CPA6: variants seen among roughly 807,000 people sequenced by gnomAD.
The protein encoded by CPA6 is carboxypeptidase B.
A neutral mutation model predicts 63.3 loss-of-function variants in CPA6; 58 were observed. The observed-to-expected ratio is 0.92, with a 90% CI of 0.74 to 1.14. The LOEUF is 1.14. CPA6 is among the 50% of genes most tolerant of loss of function. The probability of loss-of-function intolerance (pLI) is 0.00; values close to 1 mark genes in which losing one functional copy is unlikely to be tolerated. For missense variants in CPA6, 565 were observed against 526.6 expected, an observed-to-expected ratio of 1.07 and a Z score of -0.71; for synonymous variants, 185 against 179.0, an observed-to-expected ratio of 1.03 and a Z score of -0.27.
At chr8:67,533,259 G>T (rs1370436937) in intron 2 of CPA6, among the ~76,000 whole-genome samples, 1 of 152,164 alleles carries the variant, frequency 6.6e-6, no homozygotes, top group Non-Finnish European at 1.5e-5. Context: ...GAATTGCTGT[G>T]GCCGTAAGAA....
intron 1 of CPA6, among the ~76,000 whole-genome samples, chr8:67,626,118 A>G (rs979052168): frequency 6.6e-6 from 1 of 152,186 alleles, no homozygotes; most frequent in African/African-American, 2.4e-5. Context: ...CCTCCCAGGC[A>G]TGCATTCTGT....
chr8:67,741,654 G>A (rs1817915346), intron 1 of CPA6, among the ~76,000 whole-genome samples: 1 of 152,132 alleles, frequency 6.6e-6, no homozygotes, highest in South Asian at 2.1e-4. Context: ...ACCCATGCGA[G>A]GGATCTAGGT....
At position 67,624,237 on chromosome 8, in the gene CPA6, CTT is replaced by C. The variant is rs1587646001; in HGVS notation, c.129_130del (p.Ile43MetfsTer21). ...TTCCTCTTCTGTTTTGGGAATAAAT[CTT>C]ATCACTTTATCACTACAAGATAAGA... On this transcript the variant is annotated frameshift_variant, in exon 2 of 11. Transcript: ENST00000297770. LOFTEE classifies it high-confidence loss of function. 3 of 1,506,812 alleles carry C rather than the reference CTT, an allele frequency of 2.0e-6. No homozygotes were observed. The highest frequency in any genetic ancestry group is 2.8e-6 in the Non-Finnish European group (3 of 1,086,910). The allele number at this position is 1,506,812 out of a possible 1,614,324, so 93.3% of individuals were successfully genotyped here. A position where few individuals can be genotyped will look rare whatever the true frequency, so the allele number is the denominator to read the frequency against.
chr8:67,621,362 T>C (rs1815077822), intron 2 of CPA6, among the ~76,000 whole-genome samples: 1 of 152,192 alleles, frequency 6.6e-6, no homozygotes. Context: ...GACCCCTGAC[T>C]CTAGAGTTAA....
intron 2 of CPA6, among the ~76,000 whole-genome samples, chr8:67,618,205 C>T (rs1564026258): frequency 1.3e-5 from 2 of 152,284 alleles, no homozygotes; most frequent in East Asian, 3.9e-4. Flanking sequence ...ATTAAGGGAT[C>T]CTACAATCAC....
At chr8:67,567,809 AG>A (rs1813377635) in intron 2 of CPA6, among the ~76,000 whole-genome samples, 1 of 152,208 alleles carries the variant, frequency 6.6e-6, no homozygotes, top group East Asian at 1.9e-4. Flanking sequence ...AAACAGAACC[AG>A]GGAAGTGGAC....
intron 8 of CPA6, among the ~76,000 whole-genome samples, chr8:67,467,885 C>T (rs1810963477): frequency 9.5e-6 from 1 of 105,644 alleles, no homozygotes; most frequent in Admixed American, 8.8e-5. Flanking sequence ...GAAACCCCGT[C>T]TAAAAAAAAA....
intron 2 of CPA6, among the ~76,000 whole-genome samples, chr8:67,600,483 T>C (rs531699821): frequency 1.4e-4 from 21 of 152,296 alleles, no homozygotes; most frequent in Admixed American, 9.2e-4. Context: ...ATTGTATTCC[T>C]GAAAATTGCT....
At chr8:67,512,713 GGTAGCTAAAAA>G (rs142156049) in intron 3 of CPA6, among the ~76,000 whole-genome samples, 4,506 of 152,258 alleles carry the variant, frequency 0.03, 218 homozygotes, top group African/African-American at 0.1. Flanking sequence ...GGGCCTGGCA[GGTAGCTAAAAA>G]GCTTTGCTTT....
At chr8:67,691,963 C>A (rs1039234814) in intron 1 of CPA6, among the ~76,000 whole-genome samples, 2 of 152,160 alleles carry the variant, frequency 1.3e-5, no homozygotes, top group Admixed American at 1.3e-4. Context: ...TCCTTATGAG[C>A]CATGCTGGAG....
intron 6 of CPA6, among the ~76,000 whole-genome samples, chr8:67,505,913 A>G (rs750921407): frequency 2.6e-5 from 4 of 152,160 alleles, no homozygotes; most frequent in Non-Finnish European, 4.4e-5. Context: ...ATGGTTTTCT[A>G]TAAGTACAGG....
In CPA6 at chr8:67,434,189, G is replaced by A. The variant is rs889576352; in HGVS notation, c.890C>T (p.Pro297Leu). 1 of 1,614,188 alleles carries A rather than the reference G, an allele frequency of 6.2e-7. No individual in the cohort carries two copies. The change falls in exon 9 of 11, where the codon CCA (proline) becomes CTA (leucine). Residue 297 changes from proline (P) to leucine (L), a missense_variant. Pro to Leu is a moderately conservative substitution (Grantham distance 98). Transcript: ENST00000297770. ...PCDDTYCGPF[P>L]ESEPEVKAVA... ...AGCCTTCACTTCCGGCTCAGATTCT[G>A]GAAAAGGGCCACAGTATGTGTCATC...
intron 1 of CPA6, among the ~76,000 whole-genome samples, chr8:67,692,581 A>G (rs1422447843): frequency 3.9e-5 from 6 of 152,178 alleles, no homozygotes; most frequent in African/African-American, 1.4e-4. Flanking sequence ...CTTTCTTGCT[A>G]TAATCTATTA....
intron 8 of CPA6, among the ~76,000 whole-genome samples, chr8:67,444,431 T>A (rs1177998881): frequency 6.6e-6 from 1 of 152,094 alleles, no homozygotes; most frequent in East Asian, 1.9e-4. Context: ...AAGATAAATA[T>A]GAAGCTCCAA....
intron 1 of CPA6, among the ~76,000 whole-genome samples, chr8:67,713,073 C>CTGTGTGTGTGTG (rs1165690969): frequency 1.0e-5 from 1 of 97,732 alleles, no homozygotes; most frequent in African/African-American, 4.5e-5. Context: ...ATGTGTGTAT[C>CTGTGTGTGTGTG]TGTGTGTGTA....
At chr8:67,475,869 T>C (rs1350887840) in intron 8 of CPA6, among the ~76,000 whole-genome samples, 1,202 of 94,452 alleles carry the variant, frequency 0.013, 33 homozygotes, top group East Asian at 0.016. Context: ...CTTTCTTTCT[T>C]TCTTTCTTTC....
rs11413636 is a variant in CPA6 at position 67,475,788 on chromosome 8, T to TC, written c.838+7979dup. On this transcript the variant is annotated intron_variant, in intron 8 of 10. Coordinates refer to ENST00000297770, the MANE Select transcript of CPA6 (RefSeq NM_020361.5). ...CTTTCTCTTTCTTTCTTTCTTTCTT[T>TC]CTTTCTTTCTTTCTTTCTTTCTTTC... Among the ~76,000 whole-genome samples the TC allele has an allele frequency of 4.0e-3, 209 of 51,820 alleles. 4 individuals are homozygous for TC. Among genetic ancestry groups the TC allele is most frequent in the Middle Eastern group, 0.012 (1 of 82 alleles). The allele number at this position is 51,820 out of a possible 152,430, so 34.0% of individuals were successfully genotyped here. A position where few individuals can be genotyped will look rare whatever the true frequency, so the allele number is the denominator to read the frequency against.
At chr8:67,658,950 C>A (rs947841906) in intron 1 of CPA6, among the ~76,000 whole-genome samples, 1 of 152,174 alleles carries the variant, frequency 6.6e-6, no homozygotes, top group South Asian at 2.1e-4. Flanking sequence ...TCTCTGATAT[C>A]ATCTTGCCCC....
intron 2 of CPA6, among the ~76,000 whole-genome samples, chr8:67,524,159 T>C (rs538535263): frequency 1.3e-5 from 2 of 152,346 alleles, no homozygotes; most frequent in South Asian, 4.1e-4. Context: ...TCGTTTAGGA[T>C]CTTTTGCTAT....
Sources: gnomAD v4.1 joint callset for allele counts (sites outside exome capture counted in the v4.1 genomes callset) on GRCh38, gnomAD v4.1.1 for gene constraint, MANE v1.5 for transcripts, NCBI Gene and HGNC (gene_info 2026-07-23, HGNC 2026-07-21) for gene names.